AZU1: variants seen among roughly 807,000 people sequenced by gnomAD.
The protein encoded by AZU1 is azurocidin 1.
In AZU1, 21 loss-of-function variants were observed where a neutral mutation model predicts 17.8. The observed-to-expected ratio is 1.18, with a 90% confidence interval of 0.84 to 1.70. The LOEUF is 1.70. AZU1 is among the 40% of genes most tolerant of loss of function. The pLI is 0.00. For missense variants in AZU1, 379 were observed against 362.9 expected (o/e 1.04, Z -0.36); for synonymous variants, 178 against 155.2 (o/e 1.15, Z -1.09).
chr19:828,252 C>T lies in AZU1; in HGVS notation c.81C>T (p.Ile27=), dbSNP rs772781020. 2.7e-5 allele frequency: 44 copies of T among 1,608,448 alleles called. No homozygotes were observed. The highest frequency in any genetic ancestry group is 8.5e-5 in the Admixed American group (5 of 58,784). ...CAGGCTCCAGCCCCCTTTTGGACAT[C>T]GTTGGCGGCCGGAAGGCGAGGCCCC... is the stretch of plus-strand genomic sequence containing the variant. The part of the protein sequence containing the change: ...SRAGSSPLLD[I]VGGRKARPRQ... The change falls in exon 2 of 5, where the codon ATC becomes ATT. Residue 27 remains isoleucine, a synonymous_variant. Transcript: ENST00000233997.
Position 830,866 on chromosome 19 carries a change from T to C in AZU1, c.519T>C (p.Thr173=), listed in dbSNP as rs1302692393. The C allele has an allele frequency of 6.2e-7, 1 of 1,607,588 alleles. No homozygotes were observed. The highest frequency in any genetic ancestry group is 1.1e-5 in the South Asian group (1 of 91,068). Residue 173 remains threonine (T), a synonymous_variant, in exon 4 of 5, where the codon ACT becomes ACC. Transcript: ENST00000233997. Reference sequence around the variant, plus strand: ...GTTTTCCCAGGTTTGTCAACGTGACTGTGACCCCCGAGGACCAGTGTCGCC... The same window carrying C: ...GTTTTCCCAGGTTTGTCAACGTGACCGTGACCCCCGAGGACCAGTGTCGCC... The part of the protein sequence containing the change: ...LSRFPRFVNV[T]VTPEDQCRPN...
chr19:831,607 G>T, intron 4 of AZU1, 109 bp from the exon 5 acceptor site: 1 of 1,247,300 alleles, frequency 8.0e-7, no homozygotes, highest in African/African-American at 1.5e-5. Flanking sequence ...AAGGCCCTGG[G>T]GCTGGATCAG....
Position 827,914 on chromosome 19 carries a change from T to C in AZU1, c.58+10T>C. 2 of 1,536,792 alleles carry C rather than the reference T, an allele frequency of 1.3e-6. No individual in the cohort carries two copies. Among genetic ancestry groups the C allele is most frequent in the Non-Finnish European group, 1.7e-6 (2 of 1,147,096 alleles). On this transcript the variant is annotated intron_variant, in intron 1 of 4. Transcript: ENST00000233997. ...GCGTCCTCGAGGGCCGGTGAGTGCCTCTCTGTGCCGGTGGTCCCCCATCTG... is the reference window on the plus strand; with the variant it reads ...GCGTCCTCGAGGGCCGGTGAGTGCCCCTCTGTGCCGGTGGTCCCCCATCTG...
chr19:828,864 G>C, intron 2 of AZU1, among the ~76,000 whole-genome samples: 1 of 136,062 alleles, frequency 7.3e-6, no homozygotes, highest in African/African-American at 2.8e-5. Flanking sequence ...TGGAGGAGGT[G>C]CAGAGAAGAG....
rs994492701 is a variant in AZU1, at chr19:831,110, C to G, written c.594+169C>G. On this transcript the variant is annotated intron_variant, in intron 4 of 4. Transcript: ENST00000233997. ...TTTTTTTTTTTGAGACAGAGTCTCG[C>G]TCTGTCGCCCAGGCTGGAGTGTAGT... 11 of 642,516 alleles carry G rather than the reference C, an allele frequency of 1.7e-5. No individual in the cohort carries two copies. The African/African-American group carries it at 2.1e-4, about 12-fold the overall frequency. 39.8% of individuals were successfully genotyped at this position (642,516 alleles called of 1,614,324 possible).
Position 831,858 on chromosome 19 carries a change from C to T in AZU1, c.737C>T (p.Pro246Leu), listed in dbSNP as rs370044905. Residue 246 changes from proline (P) to leucine (L), a missense_variant, in exon 5 of 5, where the codon CCG (proline) becomes CTG (leucine). Transcript: ENST00000233997. The part of the protein sequence containing the change: ...RDWIDGVLNN[P>L]GPGPA ...TGGATCGATGGTGTTCTCAACAACC[C>T]GGGACCGGGGCCAGCCTAGGGGGGC... 1.6e-5 allele frequency: 26 copies of T among 1,612,230 alleles called. No individual in the cohort carries two copies. Among genetic ancestry groups the T allele is most frequent in the Middle Eastern group, 1.6e-4 (1 of 6,078 alleles).
At chr19:827,994 G>A (rs1946974680) in intron 1 of AZU1, 90 bp downstream of exon 1, 2 of 1,506,430 alleles carry the variant, frequency 1.3e-6, no homozygotes, top group South Asian at 2.4e-5. Flanking sequence ...GAGAAGGCAA[G>A]CGGCTTGGCC....
intron 1 of AZU1, 46 bp downstream of exon 1, chr19:827,950 C>G (rs919846579): frequency 6.5e-7 from 1 of 1,534,646 alleles, no homozygotes; most frequent in Admixed American, 2.0e-5. Context: ...TGCTAGGGCC[C>G]GGCTGCCAGG....
rs759704289 is a variant in AZU1 at position 831,755 on chromosome 19, C to T, written c.634C>T (p.His212Tyr). 7 of 1,612,026 alleles carry T rather than the reference C, an allele frequency of 4.3e-6. No individual in the cohort carries two copies. The Admixed American group carries it at 8.3e-5, about 19-fold the overall frequency. ...GTPLVCEGLA[H>Y]GVASFSLGPC... ...CCCCCTCGTCTGCGAGGGCCTGGCC[C>T]ACGGCGTGGCCTCCTTTTCCCTGGG... is the stretch of plus-strand genomic sequence containing the variant. Residue 212 changes from histidine (H) to tyrosine (Y), a missense_variant, in exon 5 of 5, where the codon CAC becomes TAC. By Grantham distance (83) the His-to-Tyr change is moderately conservative (BLOSUM62 2). Transcript: ENST00000233997.
chr19:831,828 G>A lies in AZU1; in HGVS notation c.707G>A (p.Arg236Gln). 2.5e-6 allele frequency: 4 copies of A among 1,612,796 alleles called. No individual in the cohort carries two copies. The highest frequency in any genetic ancestry group is 3.4e-6 in the Non-Finnish European group (4 of 1,179,834). The change falls in exon 5 of 5, where the codon CGA becomes CAA. Residue 236 changes from arginine (R) to glutamine (Q), a missense_variant. By Grantham distance (43) the Arg-to-Gln change is conservative. Coordinates refer to ENST00000233997, the MANE Select transcript of AZU1 (RefSeq NM_001700.5). ...TTCTTCACCCGAGTGGCGCTCTTCCGAGACTGGATCGATGGTGTTCTCAAC... is the reference window on the plus strand; with the variant it reads ...TTCTTCACCCGAGTGGCGCTCTTCCAAGACTGGATCGATGGTGTTCTCAAC... ...PDFFTRVALF[R>Q]DWIDGVLNNP...
chr19:829,878 C>T (rs2145100391), intron 3 of AZU1, among the ~76,000 whole-genome samples, 172 bp downstream of exon 3: 1 of 151,882 alleles, frequency 6.6e-6, no homozygotes, highest in East Asian at 1.9e-4. Flanking sequence ...GGCTTGAGGT[C>T]AGGAGTTCGA....
Position 828,281 on chromosome 19 carries a change from A to G in AZU1, c.110A>G (p.Gln37Arg). Residue 37 changes from glutamine (Q) to arginine (R), a missense_variant, in exon 2 of 5, where the codon CAG becomes CGG. Physicochemically the swap from Gln to Arg is conservative, Grantham distance 43. Transcript: ENST00000233997. ...GGCGGCCGGAAGGCGAGGCCCCGCC[A>G]GTTCCCGTTCCTGGCCTCCATTCAG... is the stretch of plus-strand genomic sequence containing the variant. Reference protein sequence around the residue: ...IVGGRKARPRQFPFLASIQNQ... With the variant: ...IVGGRKARPRRFPFLASIQNQ... 6.2e-7 allele frequency: 1 copy of G among 1,611,726 alleles called. No homozygotes were observed. Among genetic ancestry groups the G allele is most frequent in the East Asian group, 2.2e-5 (1 of 44,856 alleles).
In AZU1 at chr19:828,492, G is replaced by C; in HGVS notation, c.215+106G>C. 2.6e-6 allele frequency: 3 copies of C among 1,175,550 alleles called. No individual in the cohort carries two copies. In the South Asian group the frequency reaches 5.4e-5, roughly 21 times the overall value. 72.8% of individuals were successfully genotyped at this position (1,175,550 alleles called of 1,614,324 possible). A position where few individuals can be genotyped will look rare whatever the true frequency, so the allele number is the denominator to read the frequency against. On this transcript the variant is annotated intron_variant, in intron 2 of 4. Transcript: ENST00000233997. The stretch of plus-strand genomic sequence containing the variant: ...TGCTTGGTAGGTGAGGAGGGGAGGG[G>C]ATTGCAAAAGGAGGGGCTCAGGGAA...
chr19:830,958 G>A lies in AZU1; in HGVS notation c.594+17G>A. ...ATCTGCAATGTGAGTGCTCCCTGTG[G>A]CGGGAGGAGGGGTCCTGAGAGGTAC... is the stretch of plus-strand genomic sequence containing the variant. On this transcript the variant is annotated intron_variant, in intron 4 of 4. Transcript: ENST00000233997. 6.3e-7 allele frequency: 1 copy of A among 1,595,948 alleles called. No homozygotes were observed. The highest frequency in any genetic ancestry group is 1.3e-5 in the African/African-American group (1 of 74,918).
At chr19:829,396 G>A (rs1163131941) in intron 2 of AZU1, among the ~76,000 whole-genome samples, 166 bp from the exon 3 acceptor site, 2 of 151,904 alleles carry the variant, frequency 1.3e-5, no homozygotes, top group East Asian at 3.9e-4. Context: ...AGATGGGAAG[G>A]GGGCCCTGGA....
chr19:830,883 A>G lies in AZU1; in HGVS notation c.536A>G (p.Gln179Arg). ...FVNVTVTPED[Q>R]CRPNNVCTGV... The stretch of plus-strand genomic sequence containing the variant: ...AACGTGACTGTGACCCCCGAGGACC[A>G]GTGTCGCCCCAACAACGTGTGCACC... The change falls in exon 4 of 5, where the codon CAG becomes CGG. Residue 179 changes from glutamine (Q) to arginine (R), a missense_variant. Transcript: ENST00000233997. 2.5e-6 allele frequency: 4 copies of G among 1,606,326 alleles called. No homozygotes were observed. Among genetic ancestry groups the G allele is most frequent in the Non-Finnish European group, 3.4e-6 (4 of 1,179,960 alleles).
chr19:828,322 T>C lies in AZU1; in HGVS notation c.151T>C (p.Phe51Leu). The C allele has an allele frequency of 6.2e-7, 1 of 1,611,050 alleles. No homozygotes were observed. The highest frequency in any genetic ancestry group is 8.5e-7 in the Non-Finnish European group (1 of 1,179,172). Residue 51 changes from phenylalanine (F) to leucine (L), a missense_variant, in exon 2 of 5, where the codon TTC (phenylalanine) becomes CTC (leucine). Transcript: ENST00000233997. Reference protein sequence around the residue: ...LASIQNQGRHFCGGALIHARF... With the variant: ...LASIQNQGRHLCGGALIHARF... ...CTCCATTCAGAATCAAGGCAGGCAC[T>C]TCTGCGGGGGTGCCCTGATCCATGC...
rs151053279 is a variant in AZU1 at position 828,032 on chromosome 19, C to T, written c.58+128C>T. On this transcript the variant is annotated intron_variant, in intron 1 of 4. Transcript: ENST00000233997. ...GGTCACACAGCCAGCCCGGCCTGGA[C>T]GATCCCGCGAAAGGCGTGAGGGCGG... 2.0e-3 allele frequency: 2,824 copies of T among 1,413,864 alleles called. 46 individuals carry two copies. The African/African-American group carries it at 0.036, about 18-fold the overall frequency. 87.6% of individuals were successfully genotyped at this position (1,413,864 alleles called of 1,614,324 possible).
At position 829,550 on chromosome 19, in the gene AZU1, C is replaced by A; in HGVS notation, c.216-12C>A. On this transcript the variant is annotated splice_polypyrimidine_tract_variant and intron_variant, in intron 2 of 4. Transcript: ENST00000233997. Reference sequence around the variant, plus strand: ...GGTGTCCTCCCTCTGCCCTTTCCTCCGCTACTCTCAGGAACCCCGGGGTTA... The same window carrying A: ...GGTGTCCTCCCTCTGCCCTTTCCTCAGCTACTCTCAGGAACCCCGGGGTTA... 3.1e-6 allele frequency: 5 copies of A among 1,611,562 alleles called. No homozygotes were observed. Among genetic ancestry groups the A allele is most frequent in the Non-Finnish European group, 3.4e-6 (4 of 1,179,554 alleles).
Sources: allele counts gnomAD v4.1 joint callset (sites outside exome capture counted in the v4.1 genomes callset), GRCh38; gene constraint gnomAD v4.1.1; transcripts MANE v1.5; gene names NCBI Gene and HGNC (gene_info 2026-07-23, HGNC 2026-07-21).